The following HTR3A variants were observed in gnomAD, a reference collection of about 807,000 sequenced individuals.
HTR3A encodes 5-hydroxytryptamine (serotonin) receptor 3A, ionotropic.
A neutral mutation model predicts 54.8 loss-of-function variants in HTR3A; 45 were observed. The ratio of observed to expected loss-of-function variants is 0.82; its 90% CI spans 0.65 to 1.05. The LOEUF (loss-of-function observed/expected upper bound fraction) is 1.05, where lower values mean the gene tolerates loss of function less well. Ranked by LOEUF, HTR3A falls within the 50% of genes least tolerant of loss-of-function variation. HTR3A has a pLI of 0.00. For synonymous variants in HTR3A, 297 were observed against 256.0 expected (o/e 1.16, Z -1.53); for missense variants, 657 against 614.0 (o/e 1.07, Z -0.74).
chr11:113,986,368 G>T, intron 6 of HTR3A, 150 bp from the exon 7 acceptor site: 1 of 1,052,722 alleles, frequency 9.5e-7, no homozygotes, highest in East Asian at 2.5e-5. Flanking sequence ...AGCCTGGATT[G>T]AGAGGCAGGG....
intron 5 of HTR3A, among the ~76,000 whole-genome samples, chr11:113,985,439 C>A (rs897436843): frequency 1.3e-5 from 2 of 152,150 alleles, no homozygotes; most frequent in African/African-American, 4.8e-5. Context: ...GCTTATTAAG[C>A]ATTTTCTGAT....
At chr11:113,982,232 G>A (rs565636520) in intron 4 of HTR3A, among the ~76,000 whole-genome samples, 1 of 152,278 alleles carries the variant, frequency 6.6e-6, no homozygotes, top group Admixed American at 6.5e-5. Context: ...TCAAGGGCAG[G>A]GAAGATGGCT....
intron 1 of HTR3A, chr11:113,977,556 T>C (rs1343672751): frequency 1.9e-6 from 3 of 1,547,396 alleles, no homozygotes; most frequent in Admixed American, 3.9e-5. Flanking sequence ...TGTCAATGAA[T>C]GCATAGGTCC....
chr11:113,975,370 C>T lies in HTR3A; in HGVS notation c.45C>T (p.Pro15=), dbSNP rs1950339791. The T allele has an allele frequency of 6.2e-7, 1 of 1,613,030 alleles. No individual in the cohort carries two copies. The highest frequency in any genetic ancestry group is 1.1e-5 in the South Asian group (1 of 91,074). ...AGGCGCTGCTCGCCTTGCTCCTCCCCACACTCCTGGCACAGGGAGAAGGTA... is the reference window on the plus strand; with the variant it reads ...AGGCGCTGCTCGCCTTGCTCCTCCCTACACTCCTGGCACAGGGAGAAGGTA... ...VQQALLALLL[P]TLLAQGEARR... is the part of the protein sequence containing the mutation. Residue 15 remains proline (P), a synonymous_variant, in exon 1 of 9, where the codon CCC becomes CCT. Transcript: ENST00000504030.
At chr11:113,986,208 A>T in intron 6 of HTR3A, 33 bp downstream of exon 6, 1 of 1,613,182 alleles carries the variant, frequency 6.2e-7, no homozygotes, top group Non-Finnish European at 8.5e-7. Flanking sequence ...AAAATGGTGA[A>T]TAAAGCTTCA....
chr11:113,987,127 C>T (rs1950503710), intron 8 of HTR3A, 81 bp downstream of exon 8: 9 of 1,464,408 alleles, frequency 6.1e-6, no homozygotes, highest in Admixed American at 1.8e-5. Context: ...AGGGCGTGGC[C>T]TGCCAAGGAG....
At chr11:113,981,399 C>T (rs1472906366) in intron 4 of HTR3A, 87 bp downstream of exon 4, 4 of 815,178 alleles carry the variant, frequency 4.9e-6, no homozygotes, top group Non-Finnish European at 8.6e-6. Flanking sequence ...GTCACTGTTG[C>T]ATTTGAGATG....
intron 3 of HTR3A, among the ~76,000 whole-genome samples, chr11:113,980,106 C>T (rs186153898): frequency 6.6e-6 from 1 of 152,256 alleles, no homozygotes; most frequent in East Asian, 1.9e-4. Context: ...GCAGAGGGAT[C>T]CCTTACTACA....
intron 4 of HTR3A, among the ~76,000 whole-genome samples, chr11:113,982,436 T>C (rs1950432905): frequency 6.6e-6 from 1 of 152,158 alleles, no homozygotes; most frequent in Non-Finnish European, 1.5e-5. Context: ...GCTCTCCAGT[T>C]TCAACAGTGA....
intron 5 of HTR3A, 47 bp from the exon 6 acceptor site, chr11:113,985,968 G>C: frequency 2.5e-6 from 4 of 1,609,784 alleles, no homozygotes; most frequent in Non-Finnish European, 3.4e-6. Context: ...GGTCCAGCAG[G>C]CTCTGGGTAC....
In HTR3A at chr11:113,986,028, C is replaced by A. The variant is rs1950485621; in HGVS notation, c.558C>A (p.Asn186Lys). The change falls in exon 6 of 9, where the codon AAC becomes AAA. Residue 186 changes from asparagine to lysine, a missense_variant. Coordinates refer to ENST00000504030, the MANE Select transcript of HTR3A (RefSeq NM_000869.6). ...TSWLHTIQDI[N>K]ISLWRLPEKV... is the part of the protein sequence containing the mutation. ...ATTCTCTCTCAGTCCAGGACATCAA[C>A]ATCTCTTTGTGGCGCTTGCCAGAAA... The A allele has an allele frequency of 6.2e-7, 1 of 1,614,034 alleles. No individual in the cohort carries two copies. Among genetic ancestry groups the A allele is most frequent in the African/African-American group, 1.3e-5 (1 of 74,920 alleles).
intron 4 of HTR3A, among the ~76,000 whole-genome samples, chr11:113,981,939 C>T (rs950955465): frequency 1.5e-4 from 23 of 150,638 alleles, no homozygotes; most frequent in Non-Finnish European, 1.5e-4. Flanking sequence ...GCCTGCTGGG[C>T]GACACAGCAA....
At chr11:113,988,639 C>T (rs2137587998) in intron 8 of HTR3A, among the ~76,000 whole-genome samples, 1 of 152,234 alleles carries the variant, frequency 6.6e-6, no homozygotes, top group Non-Finnish European at 1.5e-5. Flanking sequence ...TGACACACAC[C>T]TGTAATCCCA....
At chr11:113,976,342 C>G (rs1383669212) in intron 1 of HTR3A, among the ~76,000 whole-genome samples, 1 of 151,988 alleles carries the variant, frequency 6.6e-6, no homozygotes, top group African/African-American at 2.4e-5. Context: ...TCAGTGCTCT[C>G]CAAGCTGGTC....
rs55917640 is a variant in HTR3A, at chr11:113,990,266, C to G, written c.*503C>G. On this transcript the variant is annotated 3_prime_UTR_variant, in exon 9 of 9. Coordinates refer to ENST00000504030, the MANE Select transcript of HTR3A (RefSeq NM_000869.6). Reference sequence around the variant, plus strand: ...GGCAGCTTCCCTGAACACTCATCCCCCATCAGATGATGGGAGTGGGAAGAA... The same window carrying G: ...GGCAGCTTCCCTGAACACTCATCCCGCATCAGATGATGGGAGTGGGAAGAA... 4.4e-6 allele frequency: 2 copies of G among 450,118 alleles called. No homozygotes were observed. Among genetic ancestry groups the G allele is most frequent in the African/African-American group, 2.0e-5 (1 of 49,814 alleles). The allele number at this position is 450,118 out of a possible 1,614,324, so 27.9% of individuals were successfully genotyped here.
chr11:113,986,120 A>C lies in HTR3A; in HGVS notation c.650A>C (p.Tyr217Ser), dbSNP rs748919703. Reference sequence around the variant, plus strand: ...TGGGAGTTGCTGGGGGTGCTGCCCTACTTTCGGGAGTTCAGCATGGAAAGC... The same window carrying C: ...TGGGAGTTGCTGGGGGTGCTGCCCTCCTTTCGGGAGTTCAGCATGGAAAGC... ...GEWELLGVLPYFREFSMESSN... is the reference protein window; with the variant it reads ...GEWELLGVLPSFREFSMESSN... The change falls in exon 6 of 9, where the codon TAC becomes TCC. Residue 217 changes from tyrosine (Y) to serine (S), a missense_variant. Transcript: ENST00000504030. 1.4e-5 allele frequency: 22 copies of C among 1,614,014 alleles called. No individual in the cohort carries two copies. The highest frequency in any genetic ancestry group is 4.0e-5 in the African/African-American group (3 of 74,910).
At chr11:113,975,526 C>A (rs1950341878) in intron 1 of HTR3A, 134 bp downstream of exon 1, 1 of 732,232 alleles carries the variant, frequency 1.4e-6, no homozygotes, top group Non-Finnish European at 2.4e-6. Context: ...AGCTATCTTA[C>A]CACCTATGAG....
chr11:113,978,903 C>T (rs1377266575), intron 2 of HTR3A, among the ~76,000 whole-genome samples: 5 of 152,144 alleles, frequency 3.3e-5, no homozygotes, highest in Admixed American at 1.3e-4. Flanking sequence ...GTATGAGAAT[C>T]GCTGGAACCT....
At chr11:113,987,069 C>A (rs1242833353) in intron 8 of HTR3A, 23 bp downstream of exon 8, 1 of 1,609,678 alleles carries the variant, frequency 6.2e-7, no homozygotes. Context: ...AGGGAAGAGT[C>A]CATACAGAGG....
Sources: allele counts gnomAD v4.1 joint callset (sites outside exome capture counted in the v4.1 genomes callset), GRCh38; gene constraint gnomAD v4.1.1; transcripts MANE v1.5; gene names NCBI Gene and HGNC (gene_info 2026-07-23, HGNC 2026-07-21).